Variants in PAK3 observed in about 807,000 individuals in gnomAD.
PAK3 encodes serine/threonine-protein kinase PAK 3.
In PAK3, 4 loss-of-function variants were observed where a neutral mutation model predicts 41.0. The observed-to-expected ratio is 0.10, with a 90% CI of 0.05 to 0.22. The LOEUF (loss-of-function observed/expected upper bound fraction) is 0.22. PAK3 is among the 10% of genes least tolerant of loss of function. The pLI is 1.00. For missense variants in PAK3, 205 were observed against 409.9 expected, an observed-to-expected ratio of 0.50 and a Z score of 4.32; for synonymous variants, 146 against 139.6, an observed-to-expected ratio of 1.05 and a Z score of -0.32.
At chrX:111,057,203 C>T (rs897069450) in intron 1 of PAK3, among the ~76,000 whole-genome samples, 4 of 111,480 alleles carry the variant, frequency 3.6e-5, no homozygotes, top group African/African-American at 1.3e-4. Flanking sequence ...CAACAAACAT[C>T]AAAAAATGCT....
intron 5 of PAK3, among the ~76,000 whole-genome samples, chrX:111,141,730 T>C (rs1357991889): frequency 8.9e-6 from 1 of 112,246 alleles, no homozygotes; most frequent in African/African-American, 3.2e-5. Flanking sequence ...TCTAATAGTA[T>C]GCCTTAGCTT....
chrX:111,200,135 CA>C (rs1359729410), intron 16 of PAK3, among the ~76,000 whole-genome samples: 149 of 97,096 alleles, frequency 1.5e-3, no homozygotes, highest in Non-Finnish European at 1.9e-3. Context: ...CTTGGTATGC[CA>C]AAAAAAAAAA....
chrX:110,970,290 T>C (rs1328331912), intron 1 of PAK3, among the ~76,000 whole-genome samples: 1 of 112,041 alleles, frequency 8.9e-6, no homozygotes, highest in African/African-American at 3.2e-5. Flanking sequence ...AAGTTCCTTG[T>C]AGATTCTAGA....
At chrX:111,106,675 C>G (rs1358889619) in intron 4 of PAK3, among the ~76,000 whole-genome samples, 1 of 111,891 alleles carries the variant, frequency 8.9e-6, no homozygotes, top group Non-Finnish European at 1.9e-5. Context: ...TACTTTCTCA[C>G]TGACACACAC....
In PAK3 at chrX:111,111,299, T is replaced by C. The variant is rs1335499448; in HGVS notation, c.-28+7993T>C. Among the ~76,000 whole-genome samples the C allele has an allele frequency of 5.3e-5, 6 of 112,239 alleles. No homozygotes were observed. In the East Asian group the frequency reaches 1.7e-3, roughly 31 times the overall value. On this transcript the variant is annotated intron_variant, in intron 4 of 17. Transcript: ENST00000372007. The stretch of plus-strand genomic sequence containing the variant: ...ATGTTTCCTTCAATTATTTTATTAC[T>C]TGCCATGTAGATTATACTTTTCAAA...
chrX:110,968,223 A>G (rs1185994765), intron 1 of PAK3, among the ~76,000 whole-genome samples: 10 of 112,490 alleles, frequency 8.9e-5, no homozygotes, highest in African/African-American at 3.2e-4. Flanking sequence ...TTGTCTAACC[A>G]TTCACCAATT....
intron 1 of PAK3, among the ~76,000 whole-genome samples, chrX:111,008,484 C>T (rs1477422373): frequency 1.8e-5 from 2 of 112,850 alleles, no homozygotes; most frequent in Non-Finnish European, 3.7e-5. Flanking sequence ...TCCCTGAGGG[C>T]GGAGGCCCTA....
In PAK3 at chrX:111,221,690, G is replaced by T. The variant is rs767387403; in HGVS notation, c.*1243G>T. ...TGTAAGAAATGGGAGGTCAGTGAAG[G>T]CTACATCCCAATCAATATTTGGCTC... On this transcript the variant is annotated 3_prime_UTR_variant, in exon 18 of 18. Transcript: ENST00000372007. 1 of 111,700 alleles carries T rather than the reference G, an allele frequency of 9.0e-6. No individual in the cohort carries two copies. Among genetic ancestry groups the T allele is most frequent in the South Asian group, 3.8e-4 (1 of 2,637 alleles). The allele number at this position is 111,700 out of a possible 1,213,427, so 9.2% of individuals were successfully genotyped here. A position where few individuals can be genotyped will look rare whatever the true frequency, so the allele number is the denominator to read the frequency against.
intron 1 of PAK3, among the ~76,000 whole-genome samples, chrX:111,008,310 A>G (rs192447622): frequency 8.9e-6 from 1 of 112,663 alleles, no homozygotes; most frequent in Non-Finnish European, 1.9e-5. Context: ...TGTTAAACAC[A>G]TGTCAGGCAC....
intron 13 of PAK3, 113 bp downstream of exon 13, chrX:111,192,731 T>C (rs1164391705): frequency 8.0e-6 from 4 of 497,175 alleles, no homozygotes; most frequent in Admixed American, 2.9e-5. Flanking sequence ...ATTTCTCAAA[T>C]GCTACAGTGT....
chrX:111,174,786 G>T (rs2094387548), intron 11 of PAK3, among the ~76,000 whole-genome samples: 1 of 111,704 alleles, frequency 9.0e-6, no homozygotes, highest in African/African-American at 3.3e-5. Flanking sequence ...ACAGAGATGG[G>T]TAATGATGGT....
chrX:111,199,496 T>C (rs984579358), intron 16 of PAK3, among the ~76,000 whole-genome samples: 3 of 111,724 alleles, frequency 2.7e-5, no homozygotes, highest in East Asian at 5.6e-4. Flanking sequence ...ATGACATGGT[T>C]AAATGATCAA....
intron 1 of PAK3, among the ~76,000 whole-genome samples, chrX:111,090,928 C>T: frequency 8.9e-6 from 1 of 111,900 alleles, no homozygotes; most frequent in Middle Eastern, 4.6e-3. Context: ...GCAGGTTGGA[C>T]TTAGGTTCCA....
chrX:111,179,011 C>CTA (rs57999727), intron 11 of PAK3, among the ~76,000 whole-genome samples: 4,170 of 89,553 alleles, frequency 0.047, 108 homozygotes, highest in African/African-American at 0.099. Flanking sequence ...ATCTATATAT[C>CTA]TATATATATA....
chrX:110,983,108 T>C (rs1379933080), intron 1 of PAK3, among the ~76,000 whole-genome samples: 6 of 111,766 alleles, frequency 5.4e-5, no homozygotes, highest in Non-Finnish European at 1.1e-4. Context: ...TAGCTTACAT[T>C]TGATCCCTCC....
chrX:111,220,085 A>T (rs2094915453), intron 17 of PAK3, among the ~76,000 whole-genome samples: 1 of 111,273 alleles, frequency 9.0e-6, no homozygotes, highest in Non-Finnish European at 1.9e-5. Flanking sequence ...ATATCAGTTT[A>T]GGAAAATCAG....
intron 11 of PAK3, among the ~76,000 whole-genome samples, chrX:111,184,432 G>A (rs1229597956): frequency 1.8e-5 from 2 of 108,890 alleles, no homozygotes; most frequent in Non-Finnish European, 3.8e-5. Flanking sequence ...TTAAGTTCTG[G>A]GATACGTGTG....
intron 1 of PAK3, among the ~76,000 whole-genome samples, chrX:111,018,589 G>T (rs1434375173): frequency 1.8e-5 from 2 of 111,841 alleles, no homozygotes; most frequent in Non-Finnish European, 3.8e-5. Context: ...AGAGATTAAA[G>T]ACACAAATAA....
chrX:111,157,516 C>T (rs1162495246), intron 8 of PAK3, among the ~76,000 whole-genome samples: 2 of 111,337 alleles, frequency 1.8e-5, no homozygotes, highest in African/African-American at 6.5e-5. Context: ...CCCGACCAGG[C>T]GCGGTGGCTC....
Sources: allele counts gnomAD v4.1 joint callset (sites outside exome capture counted in the v4.1 genomes callset), GRCh38; gene constraint gnomAD v4.1.1; transcripts MANE v1.5; gene names NCBI Gene and HGNC (gene_info 2026-07-23, HGNC 2026-07-21).